Variants in CR2 observed in about 807,000 individuals in gnomAD.
CR2 encodes complement receptor type 2.
A neutral mutation model predicts 123.0 loss-of-function variants in CR2; 96 were observed. The ratio of observed to expected loss-of-function variants is 0.78; its 90% CI spans 0.66 to 0.93. CR2 has a LOEUF of 0.93. Among genes scored for constraint, CR2 ranks in the 40% least tolerant of loss-of-function variants. CR2 has a pLI of 0.00. For missense variants in CR2, 1,258 were observed against 1,361.0 expected, an observed-to-expected ratio of 0.92 and a Z score of 1.19; for synonymous variants, 484 against 469.5, an observed-to-expected ratio of 1.03 and a Z score of -0.40.
intron 19 of CR2, among the ~76,000 whole-genome samples, chr1:207,486,463 G>A (rs924208446): frequency 1.8e-4 from 27 of 152,126 alleles, no homozygotes; most frequent in Admixed American, 6.5e-5. Flanking sequence ...TAATGGGATG[G>A]TGGGCAGGAG....
At chr1:207,482,768 A>C (rs1223209413) in intron 18 of CR2, among the ~76,000 whole-genome samples, 3 of 152,184 alleles carry the variant, frequency 2.0e-5, no homozygotes, top group Non-Finnish European at 2.9e-5. Flanking sequence ...GGTGAGCCTC[A>C]AGAGAGTGTA....
chr1:207,479,335 G>A, intron 17 of CR2, 55 bp downstream of exon 17: 1 of 1,269,760 alleles, frequency 7.9e-7, no homozygotes, highest in East Asian at 2.4e-5. Flanking sequence ...TTAAAAATAT[G>A]TAATGCTAGA....
intron 13 of CR2, among the ~76,000 whole-genome samples, 197 bp downstream of exon 13, chr1:207,474,520 T>C (rs1040536965): frequency 6.6e-6 from 1 of 152,202 alleles, no homozygotes; most frequent in Admixed American, 6.5e-5. Context: ...TTTTCATGCA[T>C]CTGCTAATTT....
In CR2 at chr1:207,469,721, A is replaced by G. The variant is rs1239969799; in HGVS notation, c.844A>G (p.Ile282Val). The part of the protein sequence containing the change: ...EEIFCPSPPP[I>V]LNGRHIGNSL... Reference sequence around the variant, plus strand: ...AATTTTTTGCCCATCACCTCCCCCTATTCTCAATGGAAGACATATAGGCAA... The same window carrying G: ...AATTTTTTGCCCATCACCTCCCCCTGTTCTCAATGGAAGACATATAGGCAA... Residue 282 changes from isoleucine (I) to valine (V), a missense_variant, in exon 6 of 20, where the codon ATT (isoleucine) becomes GTT (valine). By Grantham distance (29) the Ile-to-Val change is conservative (BLOSUM62 3). Coordinates refer to ENST00000367057, the MANE Select transcript of CR2 (RefSeq NM_001006658.3). The G allele has an allele frequency of 4.3e-6, 7 of 1,613,804 alleles. No individual in the cohort carries two copies. Among genetic ancestry groups the G allele is most frequent in the Admixed American group, 3.3e-5 (2 of 59,972 alleles).
rs1572970676 is a variant in CR2, at chr1:207,489,809, T to G, written c.*686T>G. 6.6e-6 allele frequency: 1 copy of G among 152,232 alleles called. No individual in the cohort carries two copies. The highest frequency in any genetic ancestry group is 2.4e-5 in the African/African-American group (1 of 41,456). The allele number at this position is 152,232 out of a possible 1,614,324, so 9.4% of individuals were successfully genotyped here. ...TTTGGATGTTTCTTTAGCAGTTTTGTGATAAGTTCTAGTTGCTTGTAAAAT... is the reference window on the plus strand; with the variant it reads ...TTTGGATGTTTCTTTAGCAGTTTTGGGATAAGTTCTAGTTGCTTGTAAAAT... On this transcript the variant is annotated 3_prime_UTR_variant, in exon 20 of 20. Coordinates refer to ENST00000367057, the MANE Select transcript of CR2 (RefSeq NM_001006658.3).
intron 4 of CR2, 21 bp from the exon 5 acceptor site, chr1:207,469,129 A>G (rs1315260204): frequency 1.2e-6 from 2 of 1,609,244 alleles, no homozygotes; most frequent in Middle Eastern, 3.3e-4. Context: ...ATAGTTCTGA[A>G]TGACAACCTT....
chr1:207,471,313 G>A, intron 8 of CR2, 110 bp from the exon 9 acceptor site: 2 of 964,318 alleles, frequency 2.1e-6, no homozygotes, highest in South Asian at 2.6e-5. Flanking sequence ...CTACATTTTT[G>A]TTGCTATTGC....
chr1:207,461,084 C>G (rs957746404), intron 1 of CR2, among the ~76,000 whole-genome samples: 2 of 152,068 alleles, frequency 1.3e-5, no homozygotes, highest in African/African-American at 4.8e-5. Context: ...TTTTGTCCCA[C>G]AAATTCACAA....
chr1:207,479,466 A>G lies in CR2; in HGVS notation c.3112+186A>G, dbSNP rs3736999. ...ATGTCACTTTGGCATAGAGTTGGAT[A>G]AATTATTTGAACAGCCAGCTCTTTC... On this transcript the variant is annotated intron_variant, in intron 17 of 19. Transcript: ENST00000367057. Among the ~76,000 whole-genome samples the G allele has an allele frequency of 2.6e-3, 402 of 152,342 alleles. 5 individuals carry two copies. The highest frequency in any genetic ancestry group is 9.6e-3 in the East Asian group (50 of 5,190).
intron 6 of CR2, among the ~76,000 whole-genome samples, 195 bp from the exon 7 acceptor site, chr1:207,470,545 C>T (rs955448383): frequency 2.0e-5 from 3 of 151,662 alleles, no homozygotes; most frequent in African/African-American, 7.3e-5. Context: ...GTGCAGAAAA[C>T]AACAACAACA....
Position 207,475,299 on chromosome 1 carries a change from C to T in CR2, c.2716+83C>T, listed in dbSNP as rs989389804. On this transcript the variant is annotated intron_variant, in intron 14 of 19. Coordinates refer to ENST00000367057, the MANE Select transcript of CR2 (RefSeq NM_001006658.3). ...TTTGAATCTGCACTTGACATTCTGC[C>T]TAAAGAAAAGCATCTAAGAGCTAAG... is the stretch of plus-strand genomic sequence containing the variant. The T allele has an allele frequency of 1.1e-5, 16 of 1,487,996 alleles. No individual in the cohort carries two copies. The African/African-American group carries it at 1.5e-4, about 14-fold the overall frequency. 92.2% of individuals were successfully genotyped at this position (1,487,996 alleles called of 1,614,324 possible).
intron 1 of CR2, among the ~76,000 whole-genome samples, chr1:207,465,812 C>T (rs553133667): frequency 5.3e-5 from 8 of 152,136 alleles, no homozygotes; most frequent in Admixed American, 3.9e-4. Context: ...AATATGAGGC[C>T]ATTATTCAAA....
chr1:207,466,754 T>C lies in CR2; in HGVS notation c.287T>C (p.Val96Ala). 6.2e-7 allele frequency: 1 copy of C among 1,614,118 alleles called. No homozygotes were observed. Among genetic ancestry groups the C allele is most frequent in the African/African-American group, 1.3e-5 (1 of 75,044 alleles). ...TATTCTTCTTGCCCTGAGCCCATAG[T>C]ACCAGGAGGATACAAAATTAGAGGC... ...NKYSSCPEPIVPGGYKIRGST... is the reference protein window; with the variant it reads ...NKYSSCPEPIAPGGYKIRGST... Residue 96 changes from valine (V) to alanine (A), a missense_variant, in exon 2 of 20, where the codon GTA becomes GCA. Coordinates refer to ENST00000367057, the MANE Select transcript of CR2 (RefSeq NM_001006658.3).
chr1:207,469,978 T>A lies in CR2; in HGVS notation c.1101T>A (p.Asp367Glu), dbSNP rs1487880039. ...LRGRMVSGQKDRYTYNDTVIF... is the reference protein window; with the variant it reads ...LRGRMVSGQKERYTYNDTVIF... ...GCCGAATGGTATCTGGGCAGAAAGA[T>A]CGATATACCTATAACGACACTGTGA... The change falls in exon 6 of 20, where the codon GAT becomes GAA. Residue 367 changes from aspartate (D) to glutamate (E), a missense_variant. By Grantham distance (45) the Asp-to-Glu change is conservative. Transcript: ENST00000367057. The A allele has an allele frequency of 1.7e-5, 27 of 1,613,920 alleles. No homozygotes were observed. Among genetic ancestry groups the A allele is most frequent in the Non-Finnish European group, 2.3e-5 (27 of 1,179,912 alleles).
chr1:207,462,142 G>C (rs1657981820), intron 1 of CR2, among the ~76,000 whole-genome samples: 2 of 152,020 alleles, frequency 1.3e-5, no homozygotes, highest in African/African-American at 4.8e-5. Context: ...CTAAGCTCTA[G>C]ACCAGACAGT....
At chr1:207,479,192 G>T (rs572513073) in intron 16 of CR2, 65 bp from the exon 17 acceptor site, 10 of 1,250,010 alleles carry the variant, frequency 8.0e-6, no homozygotes, top group African/African-American at 7.4e-5. Flanking sequence ...ACCATGAAAC[G>T]TGGGGCTACA....
chr1:207,481,558 C>T (rs1386641085), intron 18 of CR2, among the ~76,000 whole-genome samples: 1 of 151,994 alleles, frequency 6.6e-6, no homozygotes, highest in African/African-American at 2.4e-5. Flanking sequence ...ACCTCCCATA[C>T]CCTAGAAAAA....
At chr1:207,471,575 C>T in intron 9 of CR2, 76 bp downstream of exon 9, 1 of 1,040,520 alleles carries the variant, frequency 9.6e-7, no homozygotes, top group Non-Finnish European at 1.5e-6. Flanking sequence ...TGTTTTGGGA[C>T]ATGTTATGAG....
At chr1:207,475,321 T>C in intron 14 of CR2, 105 bp downstream of exon 14, 1 of 1,229,666 alleles carries the variant, frequency 8.1e-7, no homozygotes, top group Non-Finnish European at 1.1e-6. Context: ...ATCTAAGAGC[T>C]AAGGCAGTTA....
Sources: allele counts gnomAD v4.1 joint callset (sites outside exome capture counted in the v4.1 genomes callset), GRCh38; gene constraint gnomAD v4.1.1; transcripts MANE v1.5; gene names NCBI Gene and HGNC (gene_info 2026-07-23, HGNC 2026-07-21).